The following MYOF variants were observed in gnomAD, a reference collection of about 807,000 sequenced individuals.
MYOF encodes fer-1-like 3, myoferlin.
MYOF carries 244 observed loss-of-function variants against 284.2 expected under a neutral mutation model. The ratio of observed to expected loss-of-function variants is 0.86; its 90% confidence interval spans 0.77 to 0.95. The LOEUF is 0.95. MYOF is among the 40% of genes least tolerant of loss of function. The probability of loss-of-function intolerance (pLI) is 0.00; values close to 1 mark genes in which losing one functional copy is unlikely to be tolerated. For missense variants in MYOF, 2,496 were observed against 2,560.6 expected (o/e 0.97, Z 0.54); for synonymous variants, 904 against 919.7 (o/e 0.98, Z 0.31).
chr10:93,404,283 A>G (rs788088), intron 7 of MYOF, 64 bp from the exon 8 acceptor site: 1,531,381 of 1,544,668 alleles, frequency 0.99, 759,828 homozygotes, highest in East Asian at 1. Context: ...GGAATCTGAT[A>G]CTATAATTTT....
chr10:93,387,885 A>T lies in MYOF; in HGVS notation c.1610T>A (p.Ile537Asn). ...AAGAAAAGTGGCTAATTCAACCAAG[A>T]TCCTGCCTCTGTAGGCAACTCCTTC... ...KGEGVAYRGR[I>N]LVELATFLEK... Residue 537 changes from isoleucine to asparagine, a missense_variant, in exon 19 of 54, where the codon ATC becomes AAC. Physicochemically the swap from Ile to Asn is moderately radical, Grantham distance 149. This residue lies in a region of MYOF where 2,436 missense variants were observed against 2,480.7 expected (regional missense o/e 0.98). Transcript: ENST00000359263. The T allele has an allele frequency of 6.2e-7, 1 of 1,614,044 alleles. No individual in the cohort carries two copies. The highest frequency in any genetic ancestry group is 8.5e-7 in the Non-Finnish European group (1 of 1,179,986).
At chr10:93,396,059 G>T in intron 16 of MYOF, 83 bp downstream of exon 16, 4 of 1,044,220 alleles carry the variant, frequency 3.8e-6, no homozygotes, top group Non-Finnish European at 4.3e-6. Flanking sequence ...CCTACTGTGA[G>T]GTGGCTACCC....
intron 1 of MYOF, among the ~76,000 whole-genome samples, chr10:93,462,761 T>C (rs2056914196): frequency 6.6e-6 from 1 of 151,412 alleles, no homozygotes; most frequent in Admixed American, 6.6e-5. Context: ...AGTAGATAAA[T>C]TATTTTTCTT....
chr10:93,320,359 A>G (rs1460006317), intron 48 of MYOF, among the ~76,000 whole-genome samples: 1 of 152,198 alleles, frequency 6.6e-6, no homozygotes, highest in Non-Finnish European at 1.5e-5. Context: ...CCTCACAACT[A>G]TAACTCATCA....
intron 38 of MYOF, among the ~76,000 whole-genome samples, chr10:93,342,760 C>T (rs796633109): frequency 9.2e-5 from 14 of 152,244 alleles, no homozygotes; most frequent in East Asian, 3.9e-4. Flanking sequence ...GATTATACAG[C>T]GAGATCTTAA....
At position 93,326,246 on chromosome 10, in the gene MYOF, C is replaced by T. The variant is rs555639755; in HGVS notation, c.5132-281G>A. ...GCGTTATATATTTACTTCTGTGGCA[C>T]GAGCTCATGGCCTGCCTGTTTCTCA... is the stretch of plus-strand genomic sequence containing the variant. On this transcript the variant is annotated intron_variant, in intron 45 of 53. Coordinates refer to ENST00000359263, the MANE Select transcript of MYOF (RefSeq NM_013451.4). Among the ~76,000 whole-genome samples, 86 of 152,312 alleles carry T rather than the reference C, an allele frequency of 5.6e-4. 1 individual carries two copies. The highest frequency in any genetic ancestry group is 1.9e-3 in the African/African-American group (79 of 41,566).
intron 3 of MYOF, among the ~76,000 whole-genome samples, chr10:93,435,263 CATGCTGGGACA>C (rs1849066649): frequency 1.3e-5 from 2 of 152,188 alleles, no homozygotes; most frequent in Non-Finnish European, 2.9e-5. Context: ...AACAGTGCAA[CATGCTGGGACA>C]ATGCTGAAGT....
At chr10:93,465,538 C>T (rs145231159) in intron 1 of MYOF, among the ~76,000 whole-genome samples, 197 of 112,016 alleles carry the variant, frequency 1.8e-3, no homozygotes, top group Middle Eastern at 5.8e-3. Flanking sequence ...TTTTTCTTTT[C>T]TTTTTTTTTT....
chr10:93,353,942 AT>A, intron 31 of MYOF, 54 bp from the exon 32 acceptor site: 1 of 1,372,558 alleles, frequency 7.3e-7, no homozygotes, highest in Admixed American at 2.1e-5. Flanking sequence ...GTAAACTGCT[AT>A]TTTACTGGAA....
intron 17 of MYOF, among the ~76,000 whole-genome samples, chr10:93,389,486 T>A (rs73319668): frequency 3.9e-5 from 6 of 152,198 alleles, no homozygotes; most frequent in African/African-American, 1.4e-4. Context: ...CCATTGCCAA[T>A]TGGGGCAAAA....
In MYOF at chr10:93,409,625, G is replaced by A. The variant is rs1268219770; in HGVS notation, c.548C>T (p.Thr183Ile). 3 of 1,614,066 alleles carry A rather than the reference G, an allele frequency of 1.9e-6. No individual in the cohort carries two copies. Among genetic ancestry groups the A allele is most frequent in the Non-Finnish European group, 1.7e-6 (2 of 1,180,044 alleles). Reference protein sequence around the residue: ...VSEAQLARRLTKVKNSRRMLS... With the variant: ...VSEAQLARRLIKVKNSRRMLS... The stretch of plus-strand genomic sequence containing the variant: ...CATCCGCCGGCTGTTCTTTACTTTG[G>A]TGAGCCTCCGAGCAAGCTGAGCTTC... The change falls in exon 6 of 54, where the codon ACC becomes ATC. Residue 183 changes from threonine (T) to isoleucine (I), a missense_variant. Around this residue, in one of 3 missense-constraint regions of MYOF, gnomAD observed 2,436 missense variants for 2,480.7 expected, o/e 0.98. Transcript: ENST00000359263.
At chr10:93,409,062 G>A (rs1235822818) in intron 6 of MYOF, 147 bp from the exon 7 acceptor site, 3 of 1,228,956 alleles carry the variant, frequency 2.4e-6, no homozygotes, top group Non-Finnish European at 2.3e-6. Context: ...GCTACCAATT[G>A]GGTGGAGCCA....
At chr10:93,383,622 G>C (rs1846226060) in intron 19 of MYOF, among the ~76,000 whole-genome samples, 1 of 152,158 alleles carries the variant, frequency 6.6e-6, no homozygotes, top group Non-Finnish European at 1.5e-5. Flanking sequence ...GGTTTGAATT[G>C]TGTCAAAATG....
At chr10:93,465,046 C>T (rs2056971252) in intron 1 of MYOF, among the ~76,000 whole-genome samples, 3 of 152,214 alleles carry the variant, frequency 2.0e-5, no homozygotes, top group Admixed American at 1.3e-4. Context: ...AACTGAGTCA[C>T]TGTTCCCAGT....
At position 93,407,175 on chromosome 10, in the gene MYOF, C is replaced by A. The variant is rs180843968; in HGVS notation, c.729+1612G>T. On this transcript the variant is annotated intron_variant, in intron 7 of 53. Coordinates refer to ENST00000359263, the MANE Select transcript of MYOF (RefSeq NM_013451.4). ...GCGCAGTGGCTCATGCCTGTAATCC[C>A]AGCACTTTGGGAGGCCAAGGTAGGT... 5.6e-4 allele frequency among the ~76,000 whole-genome samples: 86 copies of A among 152,220 alleles called. No homozygotes were observed. The Middle Eastern group carries it at 0.01, about 18-fold the overall frequency.
Position 93,306,806 on chromosome 10 carries a change from C to T in MYOF, c.*157G>A. 1 of 732,632 alleles carries T rather than the reference C, an allele frequency of 1.4e-6. No homozygotes were observed. The highest frequency in any genetic ancestry group is 1.8e-5 in the South Asian group (1 of 55,446). 45.4% of individuals were successfully genotyped at this position (732,632 alleles called of 1,614,324 possible). ...AACGTTGCTTGTTGGCCTGACTTTCCAGGACTAAGACCCTCTGGGAATCAA... is the reference window on the plus strand; with the variant it reads ...AACGTTGCTTGTTGGCCTGACTTTCTAGGACTAAGACCCTCTGGGAATCAA... On this transcript the variant is annotated 3_prime_UTR_variant, in exon 54 of 54. Coordinates refer to ENST00000359263, the MANE Select transcript of MYOF (RefSeq NM_013451.4).
chr10:93,396,115 T>G (rs1233897392), intron 16 of MYOF, 27 bp downstream of exon 16: 49 of 1,548,920 alleles, frequency 3.2e-5, no homozygotes, highest in Non-Finnish European at 4.3e-5. Context: ...GTATCCAGTC[T>G]TGTTCTAGAT....
At chr10:93,349,997 A>C (rs758557084) in intron 35 of MYOF, 28 bp from the exon 36 acceptor site, 2 of 1,603,420 alleles carry the variant, frequency 1.2e-6, no homozygotes, top group Admixed American at 3.4e-5. Context: ...AGAGAGGGGA[A>C]GGTAACTCAG....
intron 1 of MYOF, among the ~76,000 whole-genome samples, chr10:93,470,627 C>T (rs147697428): frequency 0.047 from 7,129 of 152,180 alleles, 222 homozygotes; most frequent in Non-Finnish European, 0.07. Flanking sequence ...GTCTCGAACT[C>T]CTGACCTCAA....
Sources: allele counts gnomAD v4.1 joint callset (sites outside exome capture counted in the v4.1 genomes callset), GRCh38; gene constraint gnomAD v4.1.1; regional missense constraint gnomAD v4.1.1; transcripts MANE v1.5; gene names NCBI Gene and HGNC (gene_info 2026-07-23, HGNC 2026-07-21).